The following ZNF347 variants were observed in gnomAD, a reference collection of about 807,000 sequenced individuals.
The protein encoded by ZNF347 is CTD-2620I22.7.
In ZNF347, 19 loss-of-function variants were observed where a neutral mutation model predicts 12.9. The observed-to-expected ratio is 1.47, with a 90% CI of 1.03 to 2.16. ZNF347 has a LOEUF of 2.16. Among genes scored for constraint, ZNF347 ranks in the 30% most tolerant of loss-of-function variants. The pLI, the probability that ZNF347 is intolerant of heterozygous loss-of-function variation, is 0.00. For missense variants in ZNF347, 1,005 were observed against 990.6 expected, an observed-to-expected ratio of 1.01 and a Z score of -0.19; for synonymous variants, 328 against 340.6, an observed-to-expected ratio of 0.96 and a Z score of 0.41.
intron 2 of ZNF347, among the ~76,000 whole-genome samples, chr19:53,151,969 T>C (rs2090501011): frequency 6.6e-6 from 1 of 151,472 alleles, no homozygotes; most frequent in Non-Finnish European, 1.5e-5. Context: ...GGTGGACATC[T>C]GTAATTCCAG....
chr19:53,149,066 T>C, intron 3 of ZNF347, 175 bp downstream of exon 3: 1 of 1,323,038 alleles, frequency 7.6e-7, no homozygotes, highest in East Asian at 2.5e-5. Context: ...AACCCTCCAG[T>C]GACATCAGGA....
chr19:53,145,587 T>A (rs866423312), intron 4 of ZNF347, among the ~76,000 whole-genome samples: 1 of 151,608 alleles, frequency 6.6e-6, no homozygotes, highest in African/African-American at 2.4e-5. Flanking sequence ...AAGACAGAGT[T>A]TGGACATGTT....
At position 53,140,388 on chromosome 19, in the gene ZNF347, C is replaced by A. The variant is rs766512492; in HGVS notation, c.2440G>T (p.Gly814Cys). ...ACGTTACATTTGTAAGGTTTCCCAC[C>A]AGTATGGATTGTCTGATGGGTAGTT... ...SLTTHQTIHT[G>C]GKPYKCNVWK... The change falls in exon 5 of 5, where the codon GGT (glycine) becomes TGT (cysteine). Residue 814 changes from glycine to cysteine, a missense_variant. Gly to Cys is a radical substitution (Grantham distance 159, BLOSUM62 -3). Coordinates refer to ENST00000334197, the MANE Select transcript of ZNF347 (RefSeq NM_032584.3). The A allele has an allele frequency of 6.2e-7, 1 of 1,610,626 alleles. No individual in the cohort carries two copies. Among genetic ancestry groups the A allele is most frequent in the Non-Finnish European group, 8.5e-7 (1 of 1,178,568 alleles).
At chr19:53,157,751 T>TGTC (rs978718265) in intron 1 of ZNF347, among the ~76,000 whole-genome samples, 1 of 152,166 alleles carries the variant, frequency 6.6e-6, no homozygotes, top group African/African-American at 2.4e-5. Flanking sequence ...CCCCTCTTGC[T>TGTC]GTCCCAGCAC....
At position 53,141,159 on chromosome 19, in the gene ZNF347, T is replaced by C. The variant is rs1383679743; in HGVS notation, c.1669A>G (p.Thr557Ala). ...GKAFSVYSSL[T>A]THQVIHTGEK... is the part of the protein sequence containing the mutation. ...CCAGTATGGATGACCTGATGGGTAG[T>C]TAGGCTTGAATACACACTGAAGGCT... The change falls in exon 5 of 5, where the codon ACT becomes GCT. Residue 557 changes from threonine to alanine, a missense_variant. Physicochemically the swap from Thr to Ala is moderately conservative, Grantham distance 58. Coordinates refer to ENST00000334197, the MANE Select transcript of ZNF347 (RefSeq NM_032584.3). 2 of 1,608,482 alleles carry C rather than the reference T, an allele frequency of 1.2e-6. No homozygotes were observed. The highest frequency in any genetic ancestry group is 1.1e-5 in the South Asian group (1 of 91,008).
intron 1 of ZNF347, among the ~76,000 whole-genome samples, chr19:53,154,301 G>A (rs2090517756): frequency 6.6e-6 from 1 of 151,838 alleles, no homozygotes; most frequent in Non-Finnish European, 1.5e-5. Context: ...AAACAACATA[G>A]TGAGACCCCA....
rs1209537334 is a variant in ZNF347 at position 53,136,229 on chromosome 19, C to T, written c.*4079G>A. 1 of 150,658 alleles carries T rather than the reference C, an allele frequency of 6.6e-6. No homozygotes were observed. The highest frequency in any genetic ancestry group is 2.4e-5 in the African/African-American group (1 of 40,838). The allele number at this position is 150,658 out of a possible 1,614,324, so 9.3% of individuals were successfully genotyped here. A position where few individuals can be genotyped will look rare whatever the true frequency, so the allele number is the denominator to read the frequency against. On this transcript the variant is annotated 3_prime_UTR_variant, in exon 5 of 5. Coordinates refer to ENST00000334197, the MANE Select transcript of ZNF347 (RefSeq NM_032584.3). Reference sequence around the variant, plus strand: ...TGAACTAAAGATTTACAAGGACACTCCATTTTCCTATTTACAGAGAACCTA... The same window carrying T: ...TGAACTAAAGATTTACAAGGACACTTCATTTTCCTATTTACAGAGAACCTA...
chr19:53,139,121 C>T lies in ZNF347; in HGVS notation c.*1187G>A, dbSNP rs984507842. The T allele has an allele frequency of 6.6e-6, 1 of 152,170 alleles. No homozygotes were observed. Among genetic ancestry groups the T allele is most frequent in the African/African-American group, 2.4e-5 (1 of 41,434 alleles). 9.4% of individuals were successfully genotyped at this position (152,170 alleles called of 1,614,324 possible). Reference sequence around the variant, plus strand: ...AATCAGTCACTAATAACTTATTACTCTCCTCTCATAAAAATTCCAGTGTCC... The same window carrying T: ...AATCAGTCACTAATAACTTATTACTTTCCTCTCATAAAAATTCCAGTGTCC... On this transcript the variant is annotated 3_prime_UTR_variant, in exon 5 of 5. Transcript: ENST00000334197.
intron 1 of ZNF347, among the ~76,000 whole-genome samples, chr19:53,157,171 T>C (rs2090541192): frequency 6.6e-6 from 1 of 152,216 alleles, no homozygotes; most frequent in South Asian, 2.1e-4. Flanking sequence ...ATACTAATAA[T>C]TGTCAAATGC....
At chr19:53,152,273 T>C (rs1163225469) in intron 2 of ZNF347, among the ~76,000 whole-genome samples, 3 of 152,116 alleles carry the variant, frequency 2.0e-5, no homozygotes, top group Non-Finnish European at 4.4e-5. Flanking sequence ...TGAAAACATG[T>C]AAATTTTCAA....
Position 53,153,805 on chromosome 19 carries a change from G to A in ZNF347, c.-46-12C>T. On this transcript the variant is annotated splice_polypyrimidine_tract_variant and intron_variant, in intron 1 of 4. Transcript: ENST00000334197. Reference sequence around the variant, plus strand: ...TTCAAGGGTTCTTCCTTAGGTAACAGGAAAGTGCCTTTAGAAGTCAATATT... The same window carrying A: ...TTCAAGGGTTCTTCCTTAGGTAACAAGAAAGTGCCTTTAGAAGTCAATATT... The A allele has an allele frequency of 6.2e-7, 1 of 1,611,188 alleles. No individual in the cohort carries two copies.
chr19:53,146,537 A>C (rs1007778755), intron 4 of ZNF347, among the ~76,000 whole-genome samples: 1 of 152,084 alleles, frequency 6.6e-6, no homozygotes, highest in Non-Finnish European at 1.5e-5. Flanking sequence ...CAGTCTCCCA[A>C]GTTCCTGGGA....
At chr19:53,149,483 T>C in intron 2 of ZNF347, 116 bp from the exon 3 acceptor site, 1 of 1,542,210 alleles carries the variant, frequency 6.5e-7, no homozygotes. Flanking sequence ...CAAGTTGTGA[T>C]ATAATAAAAT....
intron 1 of ZNF347, among the ~76,000 whole-genome samples, chr19:53,155,841 C>G (rs926647329): frequency 2.0e-5 from 3 of 152,134 alleles, no homozygotes; most frequent in Admixed American, 1.3e-4. Flanking sequence ...ACAGGCCATT[C>G]CCAGTCACTA....
At chr19:53,153,905 AGGGAAGAC>A in intron 1 of ZNF347, 112 bp from the exon 2 acceptor site, 1 of 737,764 alleles carries the variant, frequency 1.4e-6, no homozygotes, top group Non-Finnish European at 2.3e-6. Context: ...ACACACACAC[AGGGAAGAC>A]CTCACCCTGT....
Position 53,138,581 on chromosome 19 carries a change from A to AT in ZNF347, c.*1726dup, listed in dbSNP as rs1326903185. ...AAACTGCACTTTCTATGGGATTTTC[A>AT]TTATATCCATATAAATATTCTAAGG... On this transcript the variant is annotated 3_prime_UTR_variant, in exon 5 of 5. Transcript: ENST00000334197. 3.3e-5 allele frequency: 5 copies of AT among 152,328 alleles called. No homozygotes were observed. The East Asian group carries it at 9.6e-4, about 29-fold the overall frequency. 9.4% of individuals were successfully genotyped at this position (152,328 alleles called of 1,614,324 possible). A position where few individuals can be genotyped will look rare whatever the true frequency, so the allele number is the denominator to read the frequency against.
In ZNF347 at chr19:53,138,150, C is replaced by G. The variant is rs2090397306; in HGVS notation, c.*2158G>C. 6.6e-6 allele frequency: 1 copy of G among 150,622 alleles called. No individual in the cohort carries two copies. Among genetic ancestry groups the G allele is most frequent in the Non-Finnish European group, 1.5e-5 (1 of 67,794 alleles). The allele number at this position is 150,622 out of a possible 1,614,324, so 9.3% of individuals were successfully genotyped here. A position where few individuals can be genotyped will look rare whatever the true frequency, so the allele number is the denominator to read the frequency against. On this transcript the variant is annotated 3_prime_UTR_variant, in exon 5 of 5. Coordinates refer to ENST00000334197, the MANE Select transcript of ZNF347 (RefSeq NM_032584.3). The stretch of plus-strand genomic sequence containing the variant: ...GTTTTTTTTGAGACAGGGTCTCGCT[C>G]TGTCACCCAGGCTGGAGTGCAATGG...
chr19:53,154,407 A>G (rs1444360453), intron 1 of ZNF347, among the ~76,000 whole-genome samples: 2 of 152,016 alleles, frequency 1.3e-5, no homozygotes, highest in Non-Finnish European at 2.9e-5. Context: ...CTGGATCTAG[A>G]GTTCACAGGA....
rs1170466591 is a variant in ZNF347, at chr19:53,135,280, T to C, written c.*5028A>G. On this transcript the variant is annotated 3_prime_UTR_variant, in exon 5 of 5. Transcript: ENST00000334197. Reference sequence around the variant, plus strand: ...ACTGCTTCAGTGAAATGTCTCTTCATAGTTCTACCCATTTTCTAAATATAT... The same window carrying C: ...ACTGCTTCAGTGAAATGTCTCTTCACAGTTCTACCCATTTTCTAAATATAT... 3 of 146,682 alleles carry C rather than the reference T, an allele frequency of 2.0e-5. No individual in the cohort carries two copies. The highest frequency in any genetic ancestry group is 2.1e-4 in the South Asian group (1 of 4,710). 9.1% of individuals were successfully genotyped at this position (146,682 alleles called of 1,614,324 possible). A position where few individuals can be genotyped will look rare whatever the true frequency, so the allele number is the denominator to read the frequency against.
Sources: allele counts gnomAD v4.1 joint callset (sites outside exome capture counted in the v4.1 genomes callset), GRCh38; gene constraint gnomAD v4.1.1; transcripts MANE v1.5; gene names NCBI Gene and HGNC (gene_info 2026-07-23, HGNC 2026-07-21).